BANK1: variants seen among roughly 807,000 people sequenced by gnomAD.
BANK1 encodes the protein B cell scaffold protein with ankyrin repeats 1.
BANK1 carries 95 observed loss-of-function variants against 94.5 expected under a neutral mutation model. That is an observed-to-expected ratio of 1.00 (90% confidence interval 0.85 to 1.19). The LOEUF (loss-of-function observed/expected upper bound fraction) is 1.19, where lower values mean the gene tolerates loss of function less well. BANK1 is among the 50% of genes most tolerant of loss of function. The pLI, the probability that BANK1 is intolerant of heterozygous loss-of-function variation, is 0.00. For missense variants in BANK1, 987 were observed against 932.2 expected, an observed-to-expected ratio of 1.06 and a Z score of -0.77; for synonymous variants, 334 against 308.4, an observed-to-expected ratio of 1.08 and a Z score of -0.87.
At chr4:102,018,084 C>A (rs945831748) in intron 7 of BANK1, among the ~76,000 whole-genome samples, 1 of 152,154 alleles carries the variant, frequency 6.6e-6, no homozygotes, top group Non-Finnish European at 1.5e-5. Context: ...AGACATTACT[C>A]TCCTATAATG....
At chr4:101,797,981 G>A (rs751939037) in intron 1 of BANK1, among the ~76,000 whole-genome samples, 1 of 152,180 alleles carries the variant, frequency 6.6e-6, no homozygotes, top group Non-Finnish European at 1.5e-5. Context: ...AGGAGGAGTT[G>A]CTCAATATGA....
At position 101,922,072 on chromosome 4, in the gene BANK1, G is replaced by A. The variant is rs1217014590; in HGVS notation, c.1206+3883G>A. ...TGTGTGTGTGAGACAGAGAGATTTT[G>A]TTGCCCTCCAGTATCTGACTGACAG... is the stretch of plus-strand genomic sequence containing the variant. On this transcript the variant is annotated intron_variant, in intron 7 of 16. Coordinates refer to ENST00000322953, the MANE Select transcript of BANK1 (RefSeq NM_017935.5). Among the ~76,000 whole-genome samples the A allele has an allele frequency of 5.4e-5, 8 of 149,398 alleles. No homozygotes were observed. The East Asian group carries it at 1.6e-3, about 30-fold the overall frequency.
At chr4:101,924,243 T>A (rs1723086089) in intron 7 of BANK1, among the ~76,000 whole-genome samples, 1 of 151,820 alleles carries the variant, frequency 6.6e-6, no homozygotes. Flanking sequence ...AAGCCCAGTG[T>A]GTGAGACTGC....
chr4:102,072,443 A>G, intron 15 of BANK1, 43 bp downstream of exon 15: 1 of 1,424,182 alleles, frequency 7.0e-7, no homozygotes, highest in South Asian at 1.2e-5. Context: ...GCAAAGAAAT[A>G]ACTTCGTTAA....
At chr4:101,932,735 T>C (rs192781623) in intron 7 of BANK1, among the ~76,000 whole-genome samples, 88 of 151,692 alleles carry the variant, frequency 5.8e-4, no homozygotes, top group Admixed American at 8.5e-4. Flanking sequence ...CGCTCATTCC[T>C]CTGGGAAAAT....
intron 7 of BANK1, among the ~76,000 whole-genome samples, chr4:102,020,281 T>C (rs1429923667): frequency 6.6e-6 from 1 of 152,064 alleles, no homozygotes; most frequent in Non-Finnish European, 1.5e-5. Flanking sequence ...GAAACAAAGA[T>C]TAGCTATATT....
intron 6 of BANK1, among the ~76,000 whole-genome samples, chr4:101,901,754 T>G (rs1484755792): frequency 2.4e-5 from 1 of 42,208 alleles, no homozygotes; most frequent in East Asian, 3.5e-4. Context: ...AGACGCTTTT[T>G]GTTTTTTTGT....
chr4:101,912,908 C>T (rs1027803647), intron 6 of BANK1, among the ~76,000 whole-genome samples: 1 of 152,056 alleles, frequency 6.6e-6, no homozygotes, highest in African/African-American at 2.4e-5. Flanking sequence ...AAAGGAATTC[C>T]TTTTAAAATG....
intron 1 of BANK1, among the ~76,000 whole-genome samples, chr4:101,822,773 G>A (rs566129155): frequency 7.6e-4 from 115 of 151,908 alleles, no homozygotes; most frequent in African/African-American, 2.5e-3. Context: ...CCGCCACCAC[G>A]CCCCACTAAT....
intron 2 of BANK1, among the ~76,000 whole-genome samples, chr4:101,846,728 G>A (rs1371456026): frequency 6.6e-6 from 1 of 152,144 alleles, no homozygotes; most frequent in East Asian, 1.9e-4. Context: ...CATGAGAACA[G>A]CATGGGGGAA....
At chr4:101,854,980 G>C in intron 2 of BANK1, 55 bp from the exon 3 acceptor site, 1 of 1,382,502 alleles carries the variant, frequency 7.2e-7, no homozygotes, top group Non-Finnish European at 1.0e-6. Flanking sequence ...TAGCAATGGA[G>C]GAAATACTGT....
chr4:102,007,146 T>TATATATATATATATATATATATATATA (rs1560682317), intron 7 of BANK1, among the ~76,000 whole-genome samples: 91 of 37,912 alleles, frequency 2.4e-3, no homozygotes, highest in Non-Finnish European at 4.2e-3. Context: ...AAAATATATT[T>TATATATATATATATATATATATATATA]TATATATATA....
intron 1 of BANK1, among the ~76,000 whole-genome samples, chr4:101,802,784 A>G (rs906758715): frequency 6.6e-6 from 1 of 152,206 alleles, no homozygotes; most frequent in African/African-American, 2.4e-5. Flanking sequence ...GTGCTCTGTA[A>G]TTGACAGTTA....
At chr4:101,955,918 A>C (rs1449920300) in intron 7 of BANK1, among the ~76,000 whole-genome samples, 1 of 152,192 alleles carries the variant, frequency 6.6e-6, no homozygotes, top group Non-Finnish European at 1.5e-5. Flanking sequence ...CTTGTTGTGG[A>C]GGTTAAATGA....
At position 101,862,609 on chromosome 4, in the gene BANK1, C is replaced by G; in HGVS notation, c.708C>G (p.Arg236=). ...TTGAATTTACATCAAGTAATAAGCG[C>G]ATTAGAACACGGCCAGCCCTTTGGA... is the stretch of plus-strand genomic sequence containing the variant. The part of the protein sequence containing the change: ...VEVEFTSSNK[R]IRTRPALWNK... Residue 236 remains arginine, a synonymous_variant, in exon 4 of 17, where the codon CGC becomes CGG. Coordinates refer to ENST00000322953, the MANE Select transcript of BANK1 (RefSeq NM_017935.5). The G allele has an allele frequency of 6.2e-7, 1 of 1,611,078 alleles. No individual in the cohort carries two copies. Among genetic ancestry groups the G allele is most frequent in the Admixed American group, 1.7e-5 (1 of 59,616 alleles).
chr4:101,896,253 A>T (rs1409795050), intron 6 of BANK1, among the ~76,000 whole-genome samples: 1 of 151,992 alleles, frequency 6.6e-6, no homozygotes, highest in African/African-American at 2.4e-5. Context: ...TTATATGCCT[A>T]TGTGTGAAAC....
At chr4:101,935,541 A>G (rs1723500090) in intron 7 of BANK1, among the ~76,000 whole-genome samples, 1 of 151,522 alleles carries the variant, frequency 6.6e-6, no homozygotes, top group Admixed American at 6.6e-5. Flanking sequence ...AAAGTGGGGG[A>G]GTTAAAAGGA....
chr4:101,862,582 G>A lies in BANK1; in HGVS notation c.681G>A (p.Glu227=). 6.2e-7 allele frequency: 1 copy of A among 1,610,966 alleles called. No individual in the cohort carries two copies. The highest frequency in any genetic ancestry group is 8.5e-7 in the Non-Finnish European group (1 of 1,178,140). ...ATGAAGTAATTGGTGATACTGTAGAGGTTGAATTTACATCAAGTAATAAGC... is the reference window on the plus strand; with the variant it reads ...ATGAAGTAATTGGTGATACTGTAGAAGTTGAATTTACATCAAGTAATAAGC... ...LRDEVIGDTV[E]VEFTSSNKRI... Residue 227 remains glutamate, a synonymous_variant, in exon 4 of 17, where the codon GAG becomes GAA. Coordinates refer to ENST00000322953, the MANE Select transcript of BANK1 (RefSeq NM_017935.5).
At chr4:101,898,110 C>T (rs1283480611) in intron 6 of BANK1, among the ~76,000 whole-genome samples, 1 of 151,794 alleles carries the variant, frequency 6.6e-6, no homozygotes, top group Non-Finnish European at 1.5e-5. Flanking sequence ...CAAAGAATCT[C>T]CATAACATTA....
Sources: gnomAD v4.1 joint callset for allele counts (sites outside exome capture counted in the v4.1 genomes callset) on GRCh38, gnomAD v4.1.1 for gene constraint, MANE v1.5 for transcripts, NCBI Gene and HGNC (gene_info 2026-07-23, HGNC 2026-07-21) for gene names.